Variants in AGXT observed in about 807,000 individuals in gnomAD.
The protein encoded by AGXT is alanine--glyoxylate aminotransferase, also known as L-alanine: glyoxylate aminotransferase 1.
A neutral mutation model predicts 46.9 loss-of-function variants in AGXT; 41 were observed. The observed-to-expected ratio is 0.88, with a 90% CI of 0.68 to 1.14. The LOEUF (loss-of-function observed/expected upper bound fraction) is 1.14, where lower values mean the gene tolerates loss of function less well. Among genes scored for constraint, AGXT ranks in the 50% most tolerant of loss-of-function variants. AGXT has a pLI of 0.00. For synonymous variants in AGXT, 244 were observed against 227.9 expected, an observed-to-expected ratio of 1.07 and a Z score of -0.64; for missense variants, 525 against 522.7, an observed-to-expected ratio of 1.00 and a Z score of -0.04.
intron 5 of AGXT, chr2:240,873,398 C>T (rs935302035): frequency 3.7e-5 from 12 of 327,086 alleles, no homozygotes; most frequent in Non-Finnish European, 5.2e-5. Flanking sequence ...CCCAACCCCC[C>T]AGAGGCTCAG....
rs746188852 is a variant in AGXT, at chr2:240,874,033, C to T, written c.651C>T (p.Thr217=). 7.4e-6 allele frequency: 12 copies of T among 1,613,584 alleles called. No homozygotes were observed. The African/African-American group carries it at 1.3e-4, about 18-fold the overall frequency. The change falls in exon 6 of 11, where the codon ACC becomes ACT. Residue 217 remains threonine, a synonymous_variant. Coordinates refer to ENST00000307503, the MANE Select transcript of AGXT (RefSeq NM_000030.3). ...SQKALNAPPG[T]SLISFSDKAK... ...AGGCCCTGAACGCCCCTCCAGGGAC[C>T]TCGCTCATCTCCTTCAGTGACAAGG...
At chr2:240,869,466 T>C in intron 2 of AGXT, 104 bp downstream of exon 2, 4 of 1,320,714 alleles carry the variant, frequency 3.0e-6, no homozygotes, top group Non-Finnish European at 4.1e-6. Context: ...GGTGAGCGCT[T>C]ACCCACCTTG....
chr2:240,877,953 G>A (rs2106431958), intron 9 of AGXT, 69 bp from the exon 10 acceptor site: 1 of 1,593,090 alleles, frequency 6.3e-7, no homozygotes, highest in Non-Finnish European at 8.5e-7. Context: ...AGATGGTGCA[G>A]GCCAAGAGCT....
Position 240,869,267 on chromosome 2 carries a change from C to A in AGXT, c.263C>A (p.Ala88Asp). 6.2e-7 allele frequency: 1 copy of A among 1,613,806 alleles called. No individual in the cohort carries two copies. Among genetic ancestry groups the A allele is most frequent in the Non-Finnish European group, 8.5e-7 (1 of 1,179,982 alleles). ...ISGSGHCALE[A>D]ALVNVLEPGD... ...GGCTCGGGACACTGTGCCCTGGAGG[C>A]CGCCCTGGTCAATGTGCTGGAGCCT... The change falls in exon 2 of 11, where the codon GCC (alanine) becomes GAC (aspartate). Residue 88 changes from alanine (A) to aspartate (D), a missense_variant. Physicochemically the swap from Ala to Asp is moderately radical, Grantham distance 126. Coordinates refer to ENST00000307503, the MANE Select transcript of AGXT (RefSeq NM_000030.3).
chr2:240,875,477 G>A (rs900170518), intron 7 of AGXT, among the ~76,000 whole-genome samples: 3 of 152,138 alleles, frequency 2.0e-5, no homozygotes, highest in Non-Finnish European at 2.9e-5. Flanking sequence ...GCACACCCTC[G>A]GGCACTTTGG....
intron 4 of AGXT, 119 bp from the exon 5 acceptor site, chr2:240,872,860 G>C (rs2106429404): frequency 1.2e-6 from 1 of 854,550 alleles, no homozygotes; most frequent in East Asian, 2.4e-5. Context: ...GTGGAGGTGG[G>C]AGGTGCCCTG....
At chr2:240,877,718 G>A in intron 9 of AGXT, 86 bp downstream of exon 9, 1 of 1,418,894 alleles carries the variant, frequency 7.0e-7, no homozygotes, top group Non-Finnish European at 9.7e-7. Context: ...AGGGACACTG[G>A]CTCCTGAGAA....
Position 240,870,644 on chromosome 2 carries a change from G to A in AGXT, c.359G>A (p.Gly120Glu). The A allele has an allele frequency of 1.3e-6, 2 of 1,552,096 alleles. No homozygotes were observed. Among genetic ancestry groups the A allele is most frequent in the Non-Finnish European group, 8.7e-7 (1 of 1,147,712 alleles). The change falls in exon 3 of 11, where the codon GGA (glycine) becomes GAA (glutamate). Residue 120 changes from glycine (G) to glutamate (E), a missense_variant and splice_region_variant. Transcript: ENST00000307503. The stretch of plus-strand genomic sequence containing the variant: ...ACGGCCCACTCTGTCCTGCACCCAG[G>A]AGCCCGAGTGCACCCGATGACCAAG... ...QRAVDIGERI[G>E]ARVHPMTKDP...
At chr2:240,878,508 T>C (rs2059040396) in intron 10 of AGXT, among the ~76,000 whole-genome samples, 1 of 152,198 alleles carries the variant, frequency 6.6e-6, no homozygotes, top group Admixed American at 6.5e-5. Flanking sequence ...CCCGTGTGGC[T>C]GCGGGTGCAG....
At chr2:240,870,544 C>T (rs987300423) in intron 2 of AGXT, 100 bp from the exon 3 acceptor site, 39 of 1,415,888 alleles carry the variant, frequency 2.8e-5, no homozygotes, top group Non-Finnish European at 3.4e-5. Context: ...TGGGTGGGGT[C>T]CAGCCCTCAC....
rs779038897 is a variant in AGXT at position 240,875,146 on chromosome 2, T to A, written c.718T>A (p.Phe240Ile). The A allele has an allele frequency of 6.2e-7, 1 of 1,613,928 alleles. No individual in the cohort carries two copies. Among genetic ancestry groups the A allele is most frequent in the South Asian group, 1.1e-5 (1 of 91,076 alleles). Residue 240 changes from phenylalanine to isoleucine, a missense_variant, in exon 7 of 11, where the codon TTC becomes ATC. Coordinates refer to ENST00000307503, the MANE Select transcript of AGXT (RefSeq NM_000030.3). ...MYSRKTKPFS[F>I]YLDIKWLANF... ...CTCCCGCAAGACGAAGCCCTTCTCC[T>A]TCTACCTGGACATCAAGTGGCTGGC...
chr2:240,874,930 C>G (rs1341116121), intron 6 of AGXT, among the ~76,000 whole-genome samples, 179 bp from the exon 7 acceptor site: 1 of 152,180 alleles, frequency 6.6e-6, no homozygotes, highest in Non-Finnish European at 1.5e-5. Context: ...GACTGGACAG[C>G]TGAGGGACCC....
At chr2:240,878,409 C>T (rs188480194) in intron 10 of AGXT, among the ~76,000 whole-genome samples, 209 of 152,330 alleles carry the variant, frequency 1.4e-3, no homozygotes, top group Non-Finnish European at 2.7e-3. Context: ...CTGACCAGAC[C>T]CTGGAACCAG....
In AGXT at chr2:240,878,056, T is replaced by C. The variant is rs1206918674; in HGVS notation, c.977T>C (p.Val326Ala). 1.9e-6 allele frequency: 3 copies of C among 1,612,912 alleles called. No homozygotes were observed. Among genetic ancestry groups the C allele is most frequent in the African/African-American group, 1.3e-5 (1 of 74,940 alleles). Reference protein sequence around the residue: ...LRLPTVTTVAVPAGYDWRDIV... With the variant: ...LRLPTVTTVAAPAGYDWRDIV... ...CTTCCCACAGTCACCACTGTGGCTG[T>C]ACCCGCTGGCTATGACTGGAGAGAC... The change falls in exon 10 of 11, where the codon GTA becomes GCA. Residue 326 changes from valine (V) to alanine (A), a missense_variant. Coordinates refer to ENST00000307503, the MANE Select transcript of AGXT (RefSeq NM_000030.3).
At chr2:240,876,943 C>T (rs900858373) in intron 8 of AGXT, 14 of 228,060 alleles carry the variant, frequency 6.1e-5, no homozygotes, top group South Asian at 4.9e-4. Context: ...GGGGCACATG[C>T]GCAGAGAAGA....
intron 7 of AGXT, 138 bp downstream of exon 7, chr2:240,875,342 C>G: frequency 1.4e-6 from 1 of 736,484 alleles, no homozygotes; most frequent in Non-Finnish European, 2.3e-6. Flanking sequence ...GCCCCAGAAT[C>G]CGCCTGCATC....
rs1553649007 is a variant in AGXT at position 240,875,206 on chromosome 2, T to G, written c.776+2T>G. 6.2e-7 allele frequency: 1 copy of G among 1,610,194 alleles called. No individual in the cohort carries two copies. The highest frequency in any genetic ancestry group is 8.5e-7 in the Non-Finnish European group (1 of 1,176,516). On this transcript the variant is annotated splice_donor_variant, in intron 7 of 10. Transcript: ENST00000307503. LOFTEE classifies it high-confidence loss of function. ...GGGCTGTGACGACCAGCCCAGGATG[T>G]GAGGCCTGGCAGGGATGGGAAGGTG...
In AGXT at chr2:240,875,151, C is replaced by T. The variant is rs147547248; in HGVS notation, c.723C>T (p.Tyr241=). ...GCAAGACGAAGCCCTTCTCCTTCTA[C>T]CTGGACATCAAGTGGCTGGCCAACT... ...YSRKTKPFSF[Y]LDIKWLANFW... The change falls in exon 7 of 11, where the codon TAC becomes TAT. Residue 241 remains tyrosine (Y), a synonymous_variant. Coordinates refer to ENST00000307503, the MANE Select transcript of AGXT (RefSeq NM_000030.3). 3 of 1,614,008 alleles carry T rather than the reference C, an allele frequency of 1.9e-6. No individual in the cohort carries two copies. Among genetic ancestry groups the T allele is most frequent in the Non-Finnish European group, 2.5e-6 (3 of 1,179,864 alleles).
chr2:240,876,743 C>G (rs1456959046), intron 8 of AGXT, among the ~76,000 whole-genome samples: 1 of 152,210 alleles, frequency 6.6e-6, no homozygotes, highest in East Asian at 1.9e-4. Context: ...TGCCAGGGTG[C>G]CCCTGTAAGC....
Sources: gnomAD v4.1 joint callset for allele counts (sites outside exome capture counted in the v4.1 genomes callset) on GRCh38, gnomAD v4.1.1 for gene constraint, MANE v1.5 for transcripts, NCBI Gene and HGNC (gene_info 2026-07-23, HGNC 2026-07-21) for gene names.